Variants in MED12L observed in about 807,000 individuals in gnomAD.
The protein encoded by MED12L is mediator complex subunit 12L.
A neutral mutation model predicts 281.3 loss-of-function variants in MED12L; 60 were observed. The observed-to-expected ratio is 0.21, with a 90% confidence interval of 0.17 to 0.26. The LOEUF (loss-of-function observed/expected upper bound fraction) is 0.26, where lower values mean the gene tolerates loss of function less well. Among genes scored for constraint, MED12L ranks in the 10% least tolerant of loss-of-function variants. MED12L has a pLI of 1.00. For synonymous variants in MED12L, 974 were observed against 987.2 expected, an observed-to-expected ratio of 0.99 and a Z score of 0.25; for missense variants, 2,146 against 2,680.9, an observed-to-expected ratio of 0.80 and a Z score of 4.41.
At chr3:151,400,126 C>G (rs939569410) in intron 39 of MED12L, among the ~76,000 whole-genome samples, 2 of 152,042 alleles carry the variant, frequency 1.3e-5, no homozygotes, top group African/African-American at 4.8e-5. Context: ...CGCGCCAGGC[C>G]TTAAGGAACT....
chr3:151,397,968 G>A (rs1254096525), intron 39 of MED12L, among the ~76,000 whole-genome samples: 2 of 152,120 alleles, frequency 1.3e-5, no homozygotes, highest in Non-Finnish European at 2.9e-5. Flanking sequence ...TGCTTCCTAC[G>A]ACAGTTTTCT....
At chr3:151,430,197 T>G (rs1719320885) in intron 43 of MED12L, 102 bp from the exon 44 acceptor site, 1 of 1,542,770 alleles carries the variant, frequency 6.5e-7, no homozygotes. Context: ...TCGTGAAGTG[T>G]TGAGAAGTAC....
intron 16 of MED12L, among the ~76,000 whole-genome samples, chr3:151,314,367 G>A (rs1294055564): frequency 6.6e-6 from 1 of 152,212 alleles, no homozygotes; most frequent in Non-Finnish European, 1.5e-5. Context: ...AGGTCAGAAA[G>A]AACCTGTCTT....
chr3:151,343,000 G>GCTGT (rs748768340), intron 16 of MED12L, among the ~76,000 whole-genome samples: 3 of 152,096 alleles, frequency 2.0e-5, no homozygotes, highest in Admixed American at 6.6e-5. Flanking sequence ...TCTGACCTGT[G>GCTGT]CTGTCTAGTT....
At chr3:151,352,993 C>T (rs115289380) in intron 17 of MED12L, among the ~76,000 whole-genome samples, 1,637 of 152,216 alleles carry the variant, frequency 0.011, 25 homozygotes, top group African/African-American at 0.028. Flanking sequence ...TAAAGTATTT[C>T]GTTGAGAATC....
chr3:151,317,667 G>C lies in MED12L; in HGVS notation c.2251-32392G>C, dbSNP rs574128779. On this transcript the variant is annotated intron_variant, in intron 16 of 44. Coordinates refer to ENST00000687756, the MANE Select transcript of MED12L (RefSeq NM_001393769.1). ...GGGTTTCTCTATGTTGGCCAGGCTG[G>C]TCCTGAACTCCTGACCTCATGATCC... Among the ~76,000 whole-genome samples, 12 of 151,562 alleles carry C rather than the reference G, an allele frequency of 7.9e-5. No homozygotes were observed. In the East Asian group the frequency reaches 2.3e-3, roughly 29 times the overall value.
At chr3:151,252,063 A>T (rs559293779) in intron 16 of MED12L, among the ~76,000 whole-genome samples, 3 of 152,244 alleles carry the variant, frequency 2.0e-5, no homozygotes, top group Admixed American at 6.5e-5. Flanking sequence ...CTACTTTCAG[A>T]TGCAGTTGGC....
intron 43 of MED12L, among the ~76,000 whole-genome samples, chr3:151,416,934 T>C (rs1316707033): frequency 6.6e-6 from 1 of 152,212 alleles, no homozygotes; most frequent in East Asian, 1.9e-4. Context: ...AATTTGGAAA[T>C]GTCATATGCA....
intron 16 of MED12L, among the ~76,000 whole-genome samples, chr3:151,216,147 T>C (rs1728173363): frequency 6.6e-6 from 1 of 152,204 alleles, no homozygotes; most frequent in African/African-American, 2.4e-5. Context: ...GTCATTTTTT[T>C]ACTCTTGAAT....
At position 151,369,396 on chromosome 3, in the gene MED12L, T is replaced by C. The variant is rs1168563470; in HGVS notation, c.3551-40T>C. 3.0e-6 allele frequency: 4 copies of C among 1,314,324 alleles called. No individual in the cohort carries two copies. The East Asian group carries it at 7.0e-5, about 23-fold the overall frequency. 81.4% of individuals were successfully genotyped at this position (1,314,324 alleles called of 1,614,324 possible). On this transcript the variant is annotated intron_variant, in intron 25 of 44. Coordinates refer to ENST00000687756, the MANE Select transcript of MED12L (RefSeq NM_001393769.1). ...GTAAATAATTACAAAACATTACTAA[T>C]GATGGTAATGAGACTATTAAAGATT...
rs754571321 is a variant in MED12L, at chr3:151,416,364, C to A, written c.6350C>A (p.Ser2117Tyr). ...QPQQPPQPQQSSQSQSQTLGL... is the reference protein window; with the variant it reads ...QPQQPPQPQQYSQSQSQTLGL... ...CAGCAGCCTCCCCAGCCCCAGCAGT[C>A]CTCGCAGTCCCAGAGTCAGACCCTT... Residue 2117 changes from serine to tyrosine, a missense_variant, in exon 43 of 45, where the codon TCC becomes TAC. Coordinates refer to ENST00000687756, the MANE Select transcript of MED12L (RefSeq NM_001393769.1). 1.9e-6 allele frequency: 3 copies of A among 1,611,030 alleles called. No individual in the cohort carries two copies.
chr3:151,307,270 A>T (rs1746779501), intron 16 of MED12L, among the ~76,000 whole-genome samples: 2 of 152,322 alleles, frequency 1.3e-5, no homozygotes, highest in South Asian at 4.1e-4. Flanking sequence ...AAAGAGGCAG[A>T]TTACCTCACT....
At chr3:151,280,590 C>G (rs1398235226) in intron 16 of MED12L, among the ~76,000 whole-genome samples, 1 of 151,910 alleles carries the variant, frequency 6.6e-6, no homozygotes, top group Non-Finnish European at 1.5e-5. Flanking sequence ...ACCCTGTGGG[C>G]TAAAACAAAA....
intron 43 of MED12L, among the ~76,000 whole-genome samples, chr3:151,420,505 C>T (rs1001158590): frequency 3.9e-5 from 6 of 152,310 alleles, no homozygotes; most frequent in Middle Eastern, 3.4e-3. Flanking sequence ...GCCACTTCCA[C>T]TTCTACCCCT....
At chr3:151,304,699 C>A (rs1433290491) in intron 16 of MED12L, among the ~76,000 whole-genome samples, 3 of 152,074 alleles carry the variant, frequency 2.0e-5, no homozygotes, top group African/African-American at 7.2e-5. Context: ...GAATTACAGC[C>A]CCAGCTCTGT....
Position 151,188,385 on chromosome 3 carries a change from A to G in MED12L, c.1658A>G (p.Lys553Arg). 1 of 1,609,760 alleles carries G rather than the reference A, an allele frequency of 6.2e-7. No homozygotes were observed. The highest frequency in any genetic ancestry group is 8.5e-7 in the Non-Finnish European group (1 of 1,176,190). ...RCGESEVLDE[K>R]ESISSSSLAG... ...GGTGAATCAGAAGTCTTAGATGAGA[A>G]GGAGTCTATTTCTTCATCCTCTCTT... is the stretch of plus-strand genomic sequence containing the variant. The change falls in exon 13 of 45, where the codon AAG becomes AGG. Residue 553 changes from lysine (K) to arginine (R), a missense_variant. Physicochemically the swap from Lys to Arg is conservative, Grantham distance 26 (BLOSUM62 2). Around this residue, in one of 9 missense-constraint regions of MED12L, gnomAD observed 722 missense variants for 861.2 expected, o/e 0.84. Transcript: ENST00000687756.
At chr3:151,373,558 T>A (rs1259186157) in intron 27 of MED12L, among the ~76,000 whole-genome samples, 1 of 144,810 alleles carries the variant, frequency 6.9e-6, no homozygotes, top group Non-Finnish European at 1.5e-5. Flanking sequence ...TGCAAAATGG[T>A]GGTTTTTTTT....
chr3:151,334,196 C>CCTTTTT (rs1750689705), intron 16 of MED12L, among the ~76,000 whole-genome samples: 1 of 118,230 alleles, frequency 8.5e-6, no homozygotes, highest in Non-Finnish European at 1.7e-5. Flanking sequence ...TTCTTTCTTT[C>CCTTTTT]TTTTTTTTTT....
intron 3 of MED12L, among the ~76,000 whole-genome samples, chr3:151,120,430 A>G (rs992967923): frequency 3.3e-5 from 5 of 152,222 alleles, no homozygotes; most frequent in East Asian, 1.9e-4. Context: ...GTGAAAGGCT[A>G]CTTATTTTAG....
Sources: allele counts gnomAD v4.1 joint callset (sites outside exome capture counted in the v4.1 genomes callset), GRCh38; gene constraint gnomAD v4.1.1; regional missense constraint gnomAD v4.1.1; transcripts MANE v1.5; gene names NCBI Gene and HGNC (gene_info 2026-07-23, HGNC 2026-07-21).